The following SLC38A10 variants were observed in gnomAD, a reference collection of about 807,000 sequenced individuals.
The protein encoded by SLC38A10 is Sodium-coupled neutral amino acid transporter 10.
Under a neutral mutation model 81.0 loss-of-function variants are expected in SLC38A10, and 53 were observed. That is an observed-to-expected ratio of 0.65 (90% CI 0.53 to 0.82). SLC38A10 has a LOEUF of 0.82. SLC38A10 is among the 40% of genes least tolerant of loss of function. The pLI, the probability that SLC38A10 is intolerant of heterozygous loss-of-function variation, is 0.00. For missense variants in SLC38A10, 1,471 were observed against 1,545.0 expected (o/e 0.95, Z 0.80); for synonymous variants, 665 against 655.3 (o/e 1.01, Z -0.23).
rs1445686254 is a variant in SLC38A10, at chr17:81,277,349, C to T, written c.627-216G>A. On this transcript the variant is annotated intron_variant, in intron 6 of 15. Transcript: ENST00000374759. This position sits in a 1 kb window ranked among gnomAD's most constrained non-coding sequence, Gnocchi z 4.5. ...CCCCCACTCAGGACACCCCCCAGAG[C>T]GTGCACCATGCGAACATTCCCCAAG... is the stretch of plus-strand genomic sequence containing the variant. Among the ~76,000 whole-genome samples the T allele has an allele frequency of 6.6e-6, 1 of 152,226 alleles. No homozygotes were observed. The highest frequency in any genetic ancestry group is 2.4e-5 in the African/African-American group (1 of 41,458).
chr17:81,269,105 A>G (rs536557317), intron 10 of SLC38A10, among the ~76,000 whole-genome samples: 91 of 152,372 alleles, frequency 6.0e-4, no homozygotes, highest in Middle Eastern at 3.4e-3. Flanking sequence ...TCCTAATAAC[A>G]TGGCTTCAAA....
chr17:81,276,020 C>A lies in SLC38A10; in HGVS notation c.861G>T (p.Met287Ile), dbSNP rs1413170968. ...GGGCCTGCCTGCATGGCAGGATCAT[C>A]ATGGGGAAGCCCACAGCCACTGACA... ...FMMSVAVGFP[M>I]MILPCRQALS... Residue 287 changes from methionine to isoleucine, a missense_variant, in exon 8 of 16, where the codon ATG becomes ATT. Physicochemically the swap from Met to Ile is conservative, Grantham distance 10. This residue lies in a region of SLC38A10 where 720 missense variants were observed against 827.7 expected (regional missense o/e 0.87). Coordinates refer to ENST00000374759, the MANE Select transcript of SLC38A10 (RefSeq NM_001037984.3). The surrounding 1 kb of genome is among the most constrained non-coding windows in gnomAD (Gnocchi z 4.7). 2 of 1,613,780 alleles carry A rather than the reference C, an allele frequency of 1.2e-6. No homozygotes were observed. The highest frequency in any genetic ancestry group is 2.2e-5 in the South Asian group (2 of 91,084).
In SLC38A10 at chr17:81,289,687, T is replaced by C. The variant is rs766923600; in HGVS notation, c.217+4A>G. The C allele has an allele frequency of 6.2e-7, 1 of 1,603,610 alleles. No homozygotes were observed. The highest frequency in any genetic ancestry group is 1.1e-5 in the South Asian group (1 of 90,112). ...AGAGCCACCTTGTGGAGAGGGCGCCTCACCCAGGCCGGCGTAGGTCCTCCG... is the reference window on the plus strand; with the variant it reads ...AGAGCCACCTTGTGGAGAGGGCGCCCCACCCAGGCCGGCGTAGGTCCTCCG... On this transcript the variant is annotated splice_donor_region_variant and intron_variant, in intron 2 of 15. Coordinates refer to ENST00000374759, the MANE Select transcript of SLC38A10 (RefSeq NM_001037984.3). This position sits in a 1 kb window ranked among gnomAD's most constrained non-coding sequence, Gnocchi z 5.9.
At chr17:81,267,314 TA>T (rs556583063) in intron 10 of SLC38A10, among the ~76,000 whole-genome samples, 1 of 152,206 alleles carries the variant, frequency 6.6e-6, no homozygotes, top group East Asian at 1.9e-4. Context: ...AGATTTAAAT[TA>T]AAAAAATGAA....
chr17:81,295,058 A>G lies in SLC38A10; in HGVS notation c.-137T>C, dbSNP rs759001820. On this transcript the variant is annotated 5_prime_UTR_variant, in exon 1 of 16. Coordinates refer to ENST00000374759, the MANE Select transcript of SLC38A10 (RefSeq NM_001037984.3). The stretch of plus-strand genomic sequence containing the variant: ...GGTGGGGAGGGGATGGGCAGCCTGA[A>G]CACGGGAGCCTGAGCAGGCGCGGGC... 1.2e-4 allele frequency: 154 copies of G among 1,311,196 alleles called. No homozygotes were observed. Among genetic ancestry groups the G allele is most frequent in the Non-Finnish European group, 1.5e-4 (149 of 1,026,284 alleles). The allele number at this position is 1,311,196 out of a possible 1,614,324, so 81.2% of individuals were successfully genotyped here.
intron 11 of SLC38A10, among the ~76,000 whole-genome samples, chr17:81,258,686 A>C (rs1278804121): frequency 3.9e-5 from 6 of 152,074 alleles, no homozygotes; most frequent in Non-Finnish European, 7.4e-5. Flanking sequence ...GTCAGCGCCC[A>C]GTCTAGCCCA....
chr17:81,285,565 G>T (rs1040692480), intron 2 of SLC38A10: 2 of 152,372 alleles, frequency 1.3e-5, no homozygotes, highest in East Asian at 3.9e-4. Context: ...GGGATTCTCT[G>T]CAGCAGATGA....
intron 10 of SLC38A10, among the ~76,000 whole-genome samples, chr17:81,268,361 C>G (rs1314782318): frequency 6.6e-6 from 1 of 152,132 alleles, no homozygotes; most frequent in Non-Finnish European, 1.5e-5. Context: ...AAACAAGAAG[C>G]CACAAAGAAT....
In SLC38A10 at chr17:81,277,502, A is replaced by C. The variant is rs2063172646; in HGVS notation, c.627-369T>G. ...CGCTGTCAAGAGGAGGGAAAGTTAA[A>C]CAAACACACCCTGGCCTGGGCGGCC... On this transcript the variant is annotated intron_variant, in intron 6 of 15. Transcript: ENST00000374759. This position sits in a 1 kb window ranked among gnomAD's most constrained non-coding sequence, Gnocchi z 4.5. Among the ~76,000 whole-genome samples the C allele has an allele frequency of 6.6e-6, 1 of 152,214 alleles. No individual in the cohort carries two copies. Among genetic ancestry groups the C allele is most frequent in the South Asian group, 2.1e-4 (1 of 4,830 alleles).
intron 1 of SLC38A10, among the ~76,000 whole-genome samples, chr17:81,291,631 T>G (rs1355892014): frequency 6.6e-6 from 1 of 152,112 alleles, no homozygotes; most frequent in African/African-American, 2.4e-5. Flanking sequence ...TGCACCCACA[T>G]GGCAGCTCCA....
chr17:81,256,964 G>A (rs1352532175), intron 11 of SLC38A10, among the ~76,000 whole-genome samples: 4 of 152,234 alleles, frequency 2.6e-5, no homozygotes, highest in Admixed American at 6.5e-5. Flanking sequence ...GCCGTGGCTG[G>A]CACCACTGCT....
In SLC38A10 at chr17:81,294,837, AGGGC is replaced by A; in HGVS notation, c.81_84del (p.Met27IlefsTer22). 1 of 1,590,972 alleles carries A rather than the reference AGGGC, an allele frequency of 6.3e-7. No homozygotes were observed. Among genetic ancestry groups the A allele is most frequent in the South Asian group, 1.1e-5 (1 of 88,102 alleles). ...ACCGGACTCACCTGTTTGAAGCAGA[AGGGC>A]ATGGTGAGGACACTGACCCCTACGA... On this transcript the variant is annotated frameshift_variant, in exon 1 of 16. Coordinates refer to ENST00000374759, the MANE Select transcript of SLC38A10 (RefSeq NM_001037984.3). LOFTEE classifies it high-confidence loss of function.
chr17:81,273,351 A>C (rs2063134047), intron 8 of SLC38A10, among the ~76,000 whole-genome samples: 1 of 152,052 alleles, frequency 6.6e-6, no homozygotes, highest in Non-Finnish European at 1.5e-5. Flanking sequence ...CACCTGGCTC[A>C]AATCCTTGCT....
intron 14 of SLC38A10, chr17:81,251,041 G>C: frequency 7.0e-7 from 1 of 1,433,680 alleles, no homozygotes; most frequent in Non-Finnish European, 9.1e-7. Flanking sequence ...GGCGGGCACA[G>C]CCACCCCCAA....
In SLC38A10 at chr17:81,270,346, AGG is replaced by A. The variant is rs1160305700; in HGVS notation, c.1131+570_1131+571del. Among the ~76,000 whole-genome samples the A allele has an allele frequency of 6.6e-6, 1 of 152,180 alleles. No individual in the cohort carries two copies. The highest frequency in any genetic ancestry group is 1.5e-5 in the Non-Finnish European group (1 of 68,044). On this transcript the variant is annotated intron_variant, in intron 10 of 15. Transcript: ENST00000374759. The surrounding 1 kb of genome is among the most constrained non-coding windows in gnomAD (Gnocchi z 4.0). ...TCTGTCTGCAATAGCAAGACTGGAGAGGTGAGTCCTTCGGAGACTGGGATTAT... is the reference window on the plus strand; with the variant it reads ...TCTGTCTGCAATAGCAAGACTGGAGATGAGTCCTTCGGAGACTGGGATTAT...
At chr17:81,273,794 G>A (rs757440741) in intron 8 of SLC38A10, among the ~76,000 whole-genome samples, 4 of 152,192 alleles carry the variant, frequency 2.6e-5, no homozygotes, top group Non-Finnish European at 1.5e-5. Flanking sequence ...GGTCAAGGGT[G>A]AAGGAGCAGT....
Position 81,265,593 on chromosome 17 carries a change from C to T in SLC38A10, c.1132-5199G>A, listed in dbSNP as rs1249678198. ...CACCCCAGCATATCACCAGTTGTGG[C>T]TCTTCCTGAGGTCCCTGGGCTGGGT... On this transcript the variant is annotated intron_variant, in intron 10 of 15. Transcript: ENST00000374759. This position sits in a 1 kb window ranked among gnomAD's most constrained non-coding sequence, Gnocchi z 4.2. 3.3e-5 allele frequency among the ~76,000 whole-genome samples: 5 copies of T among 152,210 alleles called. No individual in the cohort carries two copies. The highest frequency in any genetic ancestry group is 1.2e-4 in the African/African-American group (5 of 41,456).
At position 81,245,954 on chromosome 17, in the gene SLC38A10, C is replaced by A; in HGVS notation, c.2962G>T (p.Ala988Ser). Residue 988 changes from alanine to serine, a missense_variant, in exon 16 of 16, where the codon GCC becomes TCC. This residue lies in a region of SLC38A10 where 751 missense variants were observed against 717.4 expected (regional missense o/e 1.05). Transcript: ENST00000374759. ...ACAGGCACATGGTCCCCCCCGCGGG[C>A]CTTTCTCATCTCCAGGTGACCGCCA... ...DHGGHLEMRK[A>S]RGGDHVPVSH... 1.2e-6 allele frequency: 2 copies of A among 1,604,758 alleles called. No individual in the cohort carries two copies. The highest frequency in any genetic ancestry group is 1.7e-6 in the Non-Finnish European group (2 of 1,174,726).
chr17:81,273,966 G>A (rs530021740), intron 8 of SLC38A10, among the ~76,000 whole-genome samples: 3 of 152,240 alleles, frequency 2.0e-5, no homozygotes, highest in South Asian at 2.1e-4. Flanking sequence ...GGGCGCTGAC[G>A]GAGGAAACAG....
Sources: allele counts gnomAD v4.1 joint callset (sites outside exome capture counted in the v4.1 genomes callset), GRCh38; gene constraint gnomAD v4.1.1; regional missense constraint gnomAD v4.1.1; non-coding constraint Gnocchi (gnomAD v3.1); transcripts MANE v1.5; gene names NCBI Gene and HGNC (gene_info 2026-07-23, HGNC 2026-07-21).